The following TRHDE variants were observed in gnomAD, a reference collection of about 807,000 sequenced individuals.
TRHDE encodes thyrotropin-releasing hormone-degrading ectoenzyme.
Under a neutral mutation model 125.7 loss-of-function variants are expected in TRHDE, and 72 were observed. The ratio of observed to expected loss-of-function variants is 0.57; its 90% CI spans 0.47 to 0.70. The LOEUF (loss-of-function observed/expected upper bound fraction) is 0.70, where lower values mean the gene tolerates loss of function less well. TRHDE is among the 30% of genes least tolerant of loss of function. The pLI, the probability that TRHDE is intolerant of heterozygous loss-of-function variation, is 0.00. For synonymous variants in TRHDE, 509 were observed against 509.1 expected (o/e 1.00, Z 0.00); for missense variants, 1,110 against 1,327.1 (o/e 0.84, Z 2.54).
At chr12:72,293,001 C>T (rs532116864) in intron 2 of TRHDE, among the ~76,000 whole-genome samples, 36 of 152,150 alleles carry the variant, frequency 2.4e-4, no homozygotes, top group East Asian at 3.9e-4. Context: ...GGAGAGGTCT[C>T]GTTGATTGGG....
At chr12:72,580,440 T>C (rs559355882) in intron 12 of TRHDE, among the ~76,000 whole-genome samples, 1 of 152,278 alleles carries the variant, frequency 6.6e-6, no homozygotes, top group South Asian at 2.1e-4. Context: ...TGGGTGTTTG[T>C]ATTTGTTTTT....
intron 5 of TRHDE, among the ~76,000 whole-genome samples, chr12:72,494,890 C>T (rs987535573): frequency 3.9e-5 from 6 of 151,916 alleles, no homozygotes; most frequent in Non-Finnish European, 7.4e-5. Flanking sequence ...TTTTAGCACT[C>T]GCCTCTTATC....
At chr12:72,634,054 T>A (rs991580549) in intron 15 of TRHDE, among the ~76,000 whole-genome samples, 1 of 152,098 alleles carries the variant, frequency 6.6e-6, no homozygotes, top group African/African-American at 2.4e-5. Flanking sequence ...ATAAAGCCCC[T>A]GCCAAACCCT....
chr12:72,488,813 C>A (rs1877529266), intron 5 of TRHDE, among the ~76,000 whole-genome samples: 1 of 151,654 alleles, frequency 6.6e-6, no homozygotes, highest in Non-Finnish European at 1.5e-5. Context: ...TCGTTTCAGA[C>A]CACAGTGGTC....
chr12:72,616,235 A>G (rs1254290299), intron 12 of TRHDE, among the ~76,000 whole-genome samples: 1 of 152,094 alleles, frequency 6.6e-6, no homozygotes, highest in Non-Finnish European at 1.5e-5. Flanking sequence ...GTCTTATAAA[A>G]CCTAGATCCA....
At chr12:72,626,406 C>T (rs796132742) in intron 15 of TRHDE, among the ~76,000 whole-genome samples, 1 of 151,768 alleles carries the variant, frequency 6.6e-6, no homozygotes, top group Admixed American at 6.6e-5. Flanking sequence ...GGTAGTGGGT[C>T]GTGTGAATTT....
chr12:72,621,686 C>T lies in TRHDE; in HGVS notation c.2610C>T (p.Gly870=). ...TTATAATGCTGGCCTGCAGTTTTGG[C>T]AACAAGCACTGTCACCAACAGGCAT... ...REVIMLACSF[G]NKHCHQQAST... Residue 870 remains glycine, a synonymous_variant, in exon 15 of 19, where the codon GGC becomes GGT. Coordinates refer to ENST00000261180, the MANE Select transcript of TRHDE (RefSeq NM_013381.3). 1 of 1,608,024 alleles carries T rather than the reference C, an allele frequency of 6.2e-7. No homozygotes were observed. Among genetic ancestry groups the T allele is most frequent in the Non-Finnish European group, 8.5e-7 (1 of 1,178,118 alleles).
chr12:72,625,795 CT>C (rs1441748935), intron 15 of TRHDE, among the ~76,000 whole-genome samples: 1 of 151,884 alleles, frequency 6.6e-6, no homozygotes, highest in African/African-American at 2.4e-5. Context: ...TGCCTGCCCC[CT>C]AACACTGTTG....
At chr12:72,641,880 C>T (rs1874078818) in intron 15 of TRHDE, among the ~76,000 whole-genome samples, 1 of 151,750 alleles carries the variant, frequency 6.6e-6, no homozygotes, top group African/African-American at 2.4e-5. Flanking sequence ...ATATTTTTCT[C>T]CCAAATTTGT....
intron 2 of TRHDE, chr12:72,264,727 T>C (rs935848976): frequency 1.3e-5 from 2 of 151,914 alleles, no homozygotes; most frequent in East Asian, 1.9e-4. Flanking sequence ...CCAGACCCTA[T>C]ATATGTATTG....
chr12:72,276,326 G>A (rs1375918842), intron 1 of TRHDE, among the ~76,000 whole-genome samples: 1 of 152,150 alleles, frequency 6.6e-6, no homozygotes, highest in Non-Finnish European at 1.5e-5. Flanking sequence ...TTTAATTATA[G>A]GGTAATGTCT....
chr12:72,251,846 T>C (rs906777518), intron 2 of TRHDE, among the ~76,000 whole-genome samples: 4 of 152,108 alleles, frequency 2.6e-5, no homozygotes, highest in African/African-American at 9.7e-5. Flanking sequence ...TACTATTTTT[T>C]AAACATTTTA....
At chr12:72,116,583 G>A (rs1566225914) in intron 2 of TRHDE, among the ~76,000 whole-genome samples, 1 of 152,072 alleles carries the variant, frequency 6.6e-6, no homozygotes, top group Non-Finnish European at 1.5e-5. Flanking sequence ...TCTCATTGTG[G>A]TTTTGATTTG....
chr12:72,159,082 A>G (rs760449595), intron 2 of TRHDE, among the ~76,000 whole-genome samples: 22 of 152,218 alleles, frequency 1.4e-4, no homozygotes, highest in Non-Finnish European at 2.1e-4. Context: ...TTTTAATTAC[A>G]GTAACTTTAT....
chr12:72,131,527 TC>T (rs562029576), intron 2 of TRHDE, among the ~76,000 whole-genome samples: 94 of 152,340 alleles, frequency 6.2e-4, no homozygotes, highest in Non-Finnish European at 8.7e-4. Flanking sequence ...CTTTGTGTTT[TC>T]CCTTTATTGA....
At chr12:72,428,614 A>G (rs1874289736) in intron 3 of TRHDE, among the ~76,000 whole-genome samples, 1 of 152,094 alleles carries the variant, frequency 6.6e-6, no homozygotes, top group African/African-American at 2.4e-5. Context: ...AGGCCATTAA[A>G]ATATATGTAA....
At chr12:72,320,320 C>T (rs916225658) in intron 2 of TRHDE, among the ~76,000 whole-genome samples, 4 of 152,032 alleles carry the variant, frequency 2.6e-5, no homozygotes, top group Non-Finnish European at 5.9e-5. Context: ...CAATCTACAC[C>T]TACTTTCTGT....
At chr12:72,621,022 A>G in intron 13 of TRHDE, 86 bp from the exon 14 acceptor site, 1 of 631,470 alleles carries the variant, frequency 1.6e-6, no homozygotes, top group Non-Finnish European at 2.8e-6. Context: ...TTTTAAGAAT[A>G]TTTTAATTTT....
chr12:72,525,590 T>C (rs1868316341), intron 6 of TRHDE, among the ~76,000 whole-genome samples: 1 of 143,328 alleles, frequency 7.0e-6, no homozygotes, highest in African/African-American at 2.6e-5. Context: ...TTCTCATGTT[T>C]TGTGTGTGGT....
Sources: gnomAD v4.1 joint callset for allele counts (sites outside exome capture counted in the v4.1 genomes callset) on GRCh38, gnomAD v4.1.1 for gene constraint, MANE v1.5 for transcripts, NCBI Gene and HGNC (gene_info 2026-07-23, HGNC 2026-07-21) for gene names.